The following PCDH7 variants were observed in gnomAD, a reference collection of about 807,000 sequenced individuals.
The protein encoded by PCDH7 is protocadherin-7.
A neutral mutation model predicts 58.9 loss-of-function variants in PCDH7; 17 were observed. That is an observed-to-expected ratio of 0.29 (90% confidence interval 0.20 to 0.43). The LOEUF (loss-of-function observed/expected upper bound fraction) is 0.43. PCDH7 is among the 20% of genes least tolerant of loss of function. The pLI is 1.00. For synonymous variants in PCDH7, 664 were observed against 616.4 expected (o/e 1.08, Z -1.14); for missense variants, 1,274 against 1,441.0 (o/e 0.88, Z 1.88).
At chr4:30,918,835 T>C (rs1742805421) in intron 1 of PCDH7, among the ~76,000 whole-genome samples, 1 of 152,082 alleles carries the variant, frequency 6.6e-6, no homozygotes, top group Non-Finnish European at 1.5e-5. Flanking sequence ...TATGACAAAA[T>C]AAAGGGTAAT....
At chr4:31,041,933 C>A (rs2109205580) in intron 3 of PCDH7, among the ~76,000 whole-genome samples, 1 of 152,092 alleles carries the variant, frequency 6.6e-6, no homozygotes, top group South Asian at 2.1e-4. Context: ...TTTTTTCCTT[C>A]AAGAGAGTTG....
At chr4:30,785,516 G>A (rs1387288649) in intron 1 of PCDH7, among the ~76,000 whole-genome samples, 1 of 151,970 alleles carries the variant, frequency 6.6e-6, no homozygotes, top group East Asian at 1.9e-4. Context: ...TCTAGAAGAA[G>A]ACACCATTTA....
At chr4:30,762,923 T>C (rs909559007) in intron 1 of PCDH7, among the ~76,000 whole-genome samples, 1 of 152,152 alleles carries the variant, frequency 6.6e-6, no homozygotes, top group African/African-American at 2.4e-5. Context: ...CAGAGGTAAA[T>C]GGCAAACAGC....
rs371249970 is a variant in PCDH7 at position 30,766,901 on chromosome 4, T to G, written c.70+42305T>G. ...TGTATTTTTTCAAGTTGCAAACAGA[T>G]TCATAAAATGTACCATCCATCAAAA... is the stretch of plus-strand genomic sequence containing the variant. On this transcript the variant is annotated intron_variant, in intron 1 of 3. Transcript: ENST00000509759. 7.9e-5 allele frequency among the ~76,000 whole-genome samples: 12 copies of G among 152,282 alleles called. No homozygotes were observed. In the East Asian group the frequency reaches 1.2e-3, roughly 15 times the overall value.
chr4:30,872,773 CT>C (rs1735788201), intron 1 of PCDH7, among the ~76,000 whole-genome samples: 1 of 152,040 alleles, frequency 6.6e-6, no homozygotes, highest in Non-Finnish European at 1.5e-5. Context: ...ACAGTATCTC[CT>C]TCTGATGTTT....
intron 1 of PCDH7, among the ~76,000 whole-genome samples, chr4:30,837,108 T>A (rs960641284): frequency 1.0e-4 from 15 of 147,288 alleles, no homozygotes; most frequent in South Asian, 2.1e-4. Flanking sequence ...GTCTTTTTAA[T>A]TTTTTTTTTA....
chr4:30,867,930 G>A (rs1735081737), intron 1 of PCDH7, among the ~76,000 whole-genome samples: 1 of 151,874 alleles, frequency 6.6e-6, no homozygotes, highest in African/African-American at 2.4e-5. Flanking sequence ...TTAAAATGTA[G>A]GTCTGTCAAT....
chr4:30,785,590 CT>C (rs745720155), intron 1 of PCDH7, among the ~76,000 whole-genome samples: 6 of 151,964 alleles, frequency 3.9e-5, no homozygotes, highest in Non-Finnish European at 8.8e-5. Flanking sequence ...TGATAATATA[CT>C]GTCAGAGCAT....
intron 1 of PCDH7, among the ~76,000 whole-genome samples, chr4:30,781,755 T>C (rs1722824576): frequency 6.6e-6 from 1 of 151,364 alleles, no homozygotes; most frequent in Non-Finnish European, 1.5e-5. Flanking sequence ...AGACTTGTCT[T>C]GAACTCCCGA....
chr4:30,797,792 AT>A (rs1724990451), intron 1 of PCDH7, among the ~76,000 whole-genome samples: 1 of 152,164 alleles, frequency 6.6e-6, no homozygotes, highest in Non-Finnish European at 1.5e-5. Flanking sequence ...AAATTGGAAA[AT>A]TACGTGTTTT....
At chr4:30,877,551 A>C (rs554985953) in intron 1 of PCDH7, among the ~76,000 whole-genome samples, 1 of 152,324 alleles carries the variant, frequency 6.6e-6, no homozygotes, top group South Asian at 2.1e-4. Context: ...TGGTCTAGAC[A>C]GATCACCTAT....
chr4:30,786,793 G>T, intron 1 of PCDH7: 1 of 972,564 alleles, frequency 1.0e-6, no homozygotes, highest in Non-Finnish European at 1.2e-6. Flanking sequence ...GAATGTATGT[G>T]CTCGTAAGTG....
At chr4:30,898,182 C>T (rs1312352512) in intron 1 of PCDH7, among the ~76,000 whole-genome samples, 1 of 152,140 alleles carries the variant, frequency 6.6e-6, no homozygotes, top group East Asian at 1.9e-4. Context: ...AATAAAACCA[C>T]AGATTGCATT....
intron 3 of PCDH7, among the ~76,000 whole-genome samples, chr4:31,033,784 C>G (rs1412825557): frequency 6.6e-6 from 1 of 152,090 alleles, no homozygotes; most frequent in Admixed American, 6.6e-5. Context: ...TTCTGTAGCT[C>G]TTTGTCTTTT....
chr4:30,990,098 C>A (rs1181183813), intron 3 of PCDH7, among the ~76,000 whole-genome samples: 1 of 151,868 alleles, frequency 6.6e-6, no homozygotes, highest in Non-Finnish European at 1.5e-5. Flanking sequence ...TTGGCAGATT[C>A]TCTTTATGAT....
At chr4:31,024,307 T>C (rs1269016301) in intron 3 of PCDH7, among the ~76,000 whole-genome samples, 4 of 152,184 alleles carry the variant, frequency 2.6e-5, no homozygotes, top group African/African-American at 7.2e-5. Flanking sequence ...AGTTCAGTTT[T>C]TATTCCTGTT....
intron 1 of PCDH7, among the ~76,000 whole-genome samples, chr4:30,768,157 TTTAATG>T (rs1169457262): frequency 6.6e-6 from 1 of 152,224 alleles, no homozygotes; most frequent in Non-Finnish European, 1.5e-5. Context: ...TTACAATAAA[TTTAATG>T]TCATGCATCA....
intron 3 of PCDH7, among the ~76,000 whole-genome samples, chr4:30,975,225 G>A (rs974425400): frequency 6.7e-6 from 1 of 149,974 alleles, no homozygotes; most frequent in African/African-American, 2.5e-5. Flanking sequence ...CTTAAACCCA[G>A]GAAGGTTTAA....
chr4:30,751,668 C>T (rs925565747), intron 1 of PCDH7, among the ~76,000 whole-genome samples: 1 of 151,992 alleles, frequency 6.6e-6, no homozygotes, highest in Admixed American at 6.6e-5. Flanking sequence ...ATCTTTGTGA[C>T]CTCCACAGAG....
Sources: gnomAD v4.1 joint callset for allele counts (sites outside exome capture counted in the v4.1 genomes callset) on GRCh38, gnomAD v4.1.1 for gene constraint, MANE v1.5 for transcripts, NCBI Gene and HGNC (gene_info 2026-07-23, HGNC 2026-07-21) for gene names.